Variants in DISP1 observed in about 807,000 individuals in gnomAD.
DISP1 encodes dispatched RND transporter family member 1.
DISP1 carries 30 observed loss-of-function variants against 37.3 expected under a neutral mutation model. The observed-to-expected ratio is 0.80, with a 90% CI of 0.60 to 1.09. DISP1 has a LOEUF of 1.09. Among genes scored for constraint, DISP1 ranks in the 50% least tolerant of loss-of-function variants. The pLI is 0.00. For missense variants in DISP1, 1,598 were observed against 1,879.5 expected (o/e 0.85, Z 2.77); for synonymous variants, 634 against 690.2 (o/e 0.92, Z 1.28).
At chr1:222,949,501 G>T (rs1250891002) in intron 3 of DISP1, among the ~76,000 whole-genome samples, 1 of 152,054 alleles carries the variant, frequency 6.6e-6, no homozygotes, top group Non-Finnish European at 1.5e-5. Flanking sequence ...TTATTTTAAA[G>T]CTTTAGATTT....
chr1:222,941,915 C>CTT (rs369312758), intron 2 of DISP1, among the ~76,000 whole-genome samples: 13 of 139,612 alleles, frequency 9.3e-5, no homozygotes, highest in Non-Finnish European at 1.4e-4. Context: ...TTTGATGACC[C>CTT]TTTTTTTTTT....
chr1:222,858,276 A>G (rs1238307285), intron 1 of DISP1, among the ~76,000 whole-genome samples: 3 of 152,218 alleles, frequency 2.0e-5, no homozygotes, highest in Admixed American at 6.5e-5. Context: ...TGTGTTTCAT[A>G]TGCAGAAAAT....
At chr1:222,871,307 G>T (rs1389394092) in intron 1 of DISP1, among the ~76,000 whole-genome samples, 2 of 152,112 alleles carry the variant, frequency 1.3e-5, no homozygotes, top group Non-Finnish European at 2.9e-5. Flanking sequence ...CTTTAAAGTA[G>T]TTTTTTCCAA....
intron 4 of DISP1, among the ~76,000 whole-genome samples, chr1:222,985,685 T>G (rs546012838): frequency 6.6e-6 from 1 of 152,146 alleles, no homozygotes; most frequent in South Asian, 2.1e-4. Context: ...AAGCACACAC[T>G]TTTTTTAACC....
chr1:222,944,223 G>A (rs1386831647), intron 3 of DISP1, among the ~76,000 whole-genome samples: 1 of 152,080 alleles, frequency 6.6e-6, no homozygotes, highest in East Asian at 1.9e-4. Flanking sequence ...AATATTTTTT[G>A]TAAAGCATTT....
intron 3 of DISP1, 131 bp from the exon 4 acceptor site, chr1:222,982,949 T>TTTAA: frequency 1.4e-6 from 1 of 727,872 alleles, no homozygotes; most frequent in Non-Finnish European, 2.3e-6. Flanking sequence ...TTTTTTTTTT[T>TTTAA]AACACTTCCA....
chr1:222,982,561 G>A (rs1016652109), intron 3 of DISP1, among the ~76,000 whole-genome samples: 4 of 152,158 alleles, frequency 2.6e-5, no homozygotes, highest in Non-Finnish European at 4.4e-5. Flanking sequence ...ATACAAGCCC[G>A]TATCTGTTGA....
chr1:222,883,481 G>A (rs1313224955), intron 1 of DISP1, among the ~76,000 whole-genome samples: 1 of 152,198 alleles, frequency 6.6e-6, no homozygotes, highest in Non-Finnish European at 1.5e-5. Flanking sequence ...GTTGGGCGTG[G>A]TGGCACATGC....
chr1:222,931,065 C>T (rs1346788476), intron 2 of DISP1, among the ~76,000 whole-genome samples: 2 of 151,900 alleles, frequency 1.3e-5, no homozygotes, highest in Non-Finnish European at 2.9e-5. Flanking sequence ...GGAGTGGGGC[C>T]TGGTATTAGA....
At chr1:222,999,346 T>C (rs566017661) in intron 8 of DISP1, among the ~76,000 whole-genome samples, 1 of 152,298 alleles carries the variant, frequency 6.6e-6, no homozygotes, top group South Asian at 2.1e-4. Flanking sequence ...ATTTTGAAAT[T>C]ATTCCTATGA....
chr1:222,906,744 A>T (rs1228728453), intron 1 of DISP1, among the ~76,000 whole-genome samples: 1 of 152,244 alleles, frequency 6.6e-6, no homozygotes, highest in East Asian at 1.9e-4. Flanking sequence ...AACCATAAAA[A>T]TGGGCAACCA....
intron 1 of DISP1, among the ~76,000 whole-genome samples, chr1:222,881,204 A>AT (rs1453447500): frequency 6.6e-6 from 1 of 151,494 alleles, no homozygotes; most frequent in Non-Finnish European, 1.5e-5. Context: ...TTTATTTTTT[A>AT]TTTTTTTTGA....
intron 3 of DISP1, among the ~76,000 whole-genome samples, chr1:222,969,921 C>A (rs946068436): frequency 6.6e-6 from 1 of 151,900 alleles, no homozygotes; most frequent in Non-Finnish European, 1.5e-5. Context: ...TAAAGCTTTC[C>A]TCTTCCTTTA....
At chr1:222,864,837 A>C (rs889669504) in intron 1 of DISP1, among the ~76,000 whole-genome samples, 2 of 152,162 alleles carry the variant, frequency 1.3e-5, no homozygotes, top group African/African-American at 4.8e-5. Context: ...GAATGCTTGA[A>C]GGTAACTTAT....
At position 223,004,420 on chromosome 1, in the gene DISP1, T is replaced by C. The variant is rs1679727837; in HGVS notation, c.3023T>C (p.Ile1008Thr). ...VMLLTTWNII[I>T]SLYAIISIAG... ...CTGCTGACAACTTGGAACATCATCA[T>C]AAGCCTTTATGCCATCATTTCAATT... The change falls in exon 9 of 9, where the codon ATA (isoleucine) becomes ACA (threonine). Residue 1008 changes from isoleucine to threonine, a missense_variant. Transcript: ENST00000675850. This position sits in a 1 kb window ranked among gnomAD's most constrained non-coding sequence, Gnocchi z 4.9. 1 of 1,614,216 alleles carries C rather than the reference T, an allele frequency of 6.2e-7. No homozygotes were observed.
At chr1:222,851,061 ATTTTTTTTTTTT>A (rs971721526) in intron 1 of DISP1, among the ~76,000 whole-genome samples, 2 of 127,362 alleles carry the variant, frequency 1.6e-5, no homozygotes, top group South Asian at 2.5e-4. Context: ...TGCATTTTTA[ATTTTTTTTTTTT>A]TTTTTTTTTG....
At chr1:222,995,815 ATGTGCCGTGCT>A (rs1679025563) in intron 8 of DISP1, among the ~76,000 whole-genome samples, 1 of 152,160 alleles carries the variant, frequency 6.6e-6, no homozygotes, top group African/African-American at 2.4e-5. Flanking sequence ...AAATCGAATC[ATGTGCCGTGCT>A]GAGAGCTAGC....
In DISP1 at chr1:223,003,054, G is replaced by A. The variant is rs760562145; in HGVS notation, c.1657G>A (p.Glu553Lys). The A allele has an allele frequency of 1.7e-5, 27 of 1,613,822 alleles. No homozygotes were observed. The highest frequency in any genetic ancestry group is 5.0e-5 in the Admixed American group (3 of 60,000). ...YFLYRVVFHF[E>K]FFPFMNLTAL... ...TCTCTATCGTGTAGTATTTCACTTC[G>A]AATTTTTTCCTTTTATGAACCTCAC... The change falls in exon 9 of 9, where the codon GAA (glutamate) becomes AAA (lysine). Residue 553 changes from glutamate (E) to lysine (K), a missense_variant. Transcript: ENST00000675850. The surrounding 1 kb of genome is among the most constrained non-coding windows in gnomAD (Gnocchi z 4.3).
At chr1:222,892,113 C>G (rs1356226296) in intron 1 of DISP1, among the ~76,000 whole-genome samples, 3 of 151,980 alleles carry the variant, frequency 2.0e-5, no homozygotes, top group Admixed American at 2.0e-4. Context: ...TTTCTAGATT[C>G]CCAAATGCTG....
Sources: allele counts gnomAD v4.1 joint callset (sites outside exome capture counted in the v4.1 genomes callset), GRCh38; gene constraint gnomAD v4.1.1; non-coding constraint Gnocchi (gnomAD v3.1); transcripts MANE v1.5; gene names NCBI Gene and HGNC (gene_info 2026-07-23, HGNC 2026-07-21).